The following NCOA5 variants were observed in gnomAD, a reference collection of about 807,000 sequenced individuals.
NCOA5 encodes the protein nuclear receptor coactivator 5.
Under a neutral mutation model 59.0 loss-of-function variants are expected in NCOA5, and 12 were observed. The ratio of observed to expected loss-of-function variants is 0.20; its 90% CI spans 0.13 to 0.33. NCOA5 has a LOEUF of 0.33. NCOA5 is among the 10% of genes least tolerant of loss of function. The pLI, the probability that NCOA5 is intolerant of heterozygous loss-of-function variation, is 1.00. For synonymous variants in NCOA5, 270 were observed against 275.5 expected, an observed-to-expected ratio of 0.98 and a Z score of 0.20; for missense variants, 655 against 766.6, an observed-to-expected ratio of 0.85 and a Z score of 1.72.
chr20:46,073,586 G>A (rs112609462), intron 2 of NCOA5, among the ~76,000 whole-genome samples: 4,710 of 152,238 alleles, frequency 0.031, 163 homozygotes, highest in Admixed American at 0.11. Flanking sequence ...ACCTGCCTTG[G>A]GGAGCAGTTA....
At chr20:46,077,528 TTTG>T (rs895959426) in intron 2 of NCOA5, among the ~76,000 whole-genome samples, 47 of 152,338 alleles carry the variant, frequency 3.1e-4, no homozygotes, top group African/African-American at 9.9e-4. Flanking sequence ...ATGTGGCTTA[TTTG>T]TTGTTGTTGT....
chr20:46,086,026 G>A (rs778133361), intron 1 of NCOA5, among the ~76,000 whole-genome samples: 1 of 152,086 alleles, frequency 6.6e-6, no homozygotes, highest in Non-Finnish European at 1.5e-5. Flanking sequence ...TAGGAATACA[G>A]GTGCATGCAC....
intron 2 of NCOA5, among the ~76,000 whole-genome samples, chr20:46,077,161 C>A (rs1478734529): frequency 6.6e-6 from 1 of 152,154 alleles, no homozygotes; most frequent in Non-Finnish European, 1.5e-5. Flanking sequence ...CCGCCCACCT[C>A]GTCCTCCCAA....
chr20:46,065,836 G>A (rs1292371729), intron 5 of NCOA5, among the ~76,000 whole-genome samples: 2 of 152,158 alleles, frequency 1.3e-5, no homozygotes, highest in Non-Finnish European at 2.9e-5. Context: ...GTGGAATGAG[G>A]CTATACAGCC....
At chr20:46,084,069 A>G (rs2085021510) in intron 1 of NCOA5, among the ~76,000 whole-genome samples, 2 of 152,238 alleles carry the variant, frequency 1.3e-5, no homozygotes, top group African/African-American at 4.8e-5. Flanking sequence ...TGGGGGAAAC[A>G]ATAGTTTATA....
intron 5 of NCOA5, 78 bp downstream of exon 5, chr20:46,066,977 T>C: frequency 1.3e-6 from 2 of 1,497,126 alleles, no homozygotes; most frequent in East Asian, 2.3e-5. Context: ...TCAGATTCAG[T>C]GGATAGAGGT....
At chr20:46,066,650 GA>G (rs2145525812) in intron 5 of NCOA5, among the ~76,000 whole-genome samples, 1 of 152,268 alleles carries the variant, frequency 6.6e-6, no homozygotes, top group South Asian at 2.1e-4. Context: ...GAAACACTGG[GA>G]AAGAGAAGTT....
chr20:46,086,584 C>G (rs1284654368), intron 1 of NCOA5, among the ~76,000 whole-genome samples: 4 of 152,160 alleles, frequency 2.6e-5, no homozygotes, highest in Admixed American at 2.6e-4. Context: ...AAGGATAATT[C>G]TGTTAGTCAT....
chr20:46,061,673 A>G lies in NCOA5; in HGVS notation c.*627T>C, dbSNP rs2084765186. ...AAATGAAAACAAAAAAGAAAAGAGAAAAAAACAAAAAACAACCTTGGCTCA... is the reference window on the plus strand; with the variant it reads ...AAATGAAAACAAAAAAGAAAAGAGAGAAAAACAAAAAACAACCTTGGCTCA... On this transcript the variant is annotated 3_prime_UTR_variant, in exon 8 of 8. Transcript: ENST00000290231. 1 of 152,642 alleles carries G rather than the reference A, an allele frequency of 6.6e-6. No individual in the cohort carries two copies. The highest frequency in any genetic ancestry group is 2.4e-5 in the African/African-American group (1 of 41,446). The allele number at this position is 152,642 out of a possible 1,614,324, so 9.5% of individuals were successfully genotyped here. A position where few individuals can be genotyped will look rare whatever the true frequency, so the allele number is the denominator to read the frequency against.
At chr20:46,071,272 A>G (rs1043032771) in intron 2 of NCOA5, among the ~76,000 whole-genome samples, 1 of 152,202 alleles carries the variant, frequency 6.6e-6, no homozygotes, top group Non-Finnish European at 1.5e-5. Flanking sequence ...CCTCTTCAAC[A>G]TATTTAAAAT....
intron 4 of NCOA5, among the ~76,000 whole-genome samples, chr20:46,068,022 C>T (rs1302309320): frequency 6.6e-6 from 1 of 152,050 alleles, no homozygotes; most frequent in Admixed American, 6.5e-5. Context: ...CCTCAACATC[C>T]TAGGCTCCAG....
chr20:46,064,599 T>C (rs150557733), intron 6 of NCOA5, among the ~76,000 whole-genome samples: 38 of 152,324 alleles, frequency 2.5e-4, no homozygotes, highest in African/African-American at 9.1e-4. Flanking sequence ...TCACATTCAG[T>C]GGAGTACATG....
At chr20:46,064,137 T>C (rs560519681) in intron 6 of NCOA5, among the ~76,000 whole-genome samples, 1 of 152,260 alleles carries the variant, frequency 6.6e-6, no homozygotes, top group South Asian at 2.1e-4. Context: ...AAGTCATAGA[T>C]TAAGATCAAA....
chr20:46,063,609 A>G lies in NCOA5; in HGVS notation c.901T>C (p.Cys301Arg), dbSNP rs757236368. The G allele has an allele frequency of 6.2e-7, 1 of 1,613,516 alleles. No individual in the cohort carries two copies. Among genetic ancestry groups the G allele is most frequent in the East Asian group, 2.2e-5 (1 of 44,866 alleles). ...ATCTCCTCACGTTCCTTCTCCCGGCACTCATTCTTGTAACGCTCATAATTT... is the reference window on the plus strand; with the variant it reads ...ATCTCCTCACGTTCCTTCTCCCGGCGCTCATTCTTGTAACGCTCATAATTT... The part of the protein sequence containing the change: ...ARNYERYKNE[C>R]REKEREEIAR... The change falls in exon 7 of 8, where the codon TGC becomes CGC. Residue 301 changes from cysteine to arginine, a missense_variant. Cys to Arg is a radical substitution (Grantham distance 180). Around this residue, in one of 3 missense-constraint regions of NCOA5, gnomAD observed 80 missense variants for 153.3 expected, o/e 0.52. Coordinates refer to ENST00000290231, the MANE Select transcript of NCOA5 (RefSeq NM_020967.3).
intron 1 of NCOA5, among the ~76,000 whole-genome samples, chr20:46,080,557 G>A (rs2084981928): frequency 6.6e-6 from 1 of 152,070 alleles, no homozygotes; most frequent in Non-Finnish European, 1.5e-5. Context: ...CCTATCACAT[G>A]AAAGACCACA....
chr20:46,082,515 G>A (rs1337706309), intron 1 of NCOA5, among the ~76,000 whole-genome samples: 2 of 152,116 alleles, frequency 1.3e-5, no homozygotes, highest in African/African-American at 2.4e-5. Context: ...GGGAAGAAAC[G>A]GTACTTCTTT....
chr20:46,064,220 G>A (rs550104563), intron 6 of NCOA5, among the ~76,000 whole-genome samples: 1 of 152,208 alleles, frequency 6.6e-6, no homozygotes, highest in South Asian at 2.1e-4. Flanking sequence ...GGACTCCTTA[G>A]AACTTTTGTC....
In NCOA5 at chr20:46,080,614, T is replaced by A. The variant is rs1600631417; in HGVS notation, c.-29-1161A>T. On this transcript the variant is annotated intron_variant, in intron 1 of 7. Transcript: ENST00000290231. ...GTCTGGTAGAGATTTTATGCTGCTA[T>A]TTTGCCAACTTTTGAGTTCCTGATC... Among the ~76,000 whole-genome samples the A allele has an allele frequency of 2.6e-5, 4 of 152,280 alleles. No homozygotes were observed. In the South Asian group the frequency reaches 8.3e-4, roughly 32 times the overall value.
chr20:46,077,537 GT>G (rs2084950134), intron 2 of NCOA5, among the ~76,000 whole-genome samples: 1 of 152,160 alleles, frequency 6.6e-6, no homozygotes, highest in Non-Finnish European at 1.5e-5. Flanking sequence ...ATTTGTTGTT[GT>G]TGTTTTTGCC....
Sources: allele counts gnomAD v4.1 joint callset (sites outside exome capture counted in the v4.1 genomes callset), GRCh38; gene constraint gnomAD v4.1.1; regional missense constraint gnomAD v4.1.1; transcripts MANE v1.5; gene names NCBI Gene and HGNC (gene_info 2026-07-23, HGNC 2026-07-21).